Variants in SEPTIN11 observed in about 807,000 individuals in gnomAD.
SEPTIN11 encodes the protein septin 11, also known as septin-11.
Under a neutral mutation model 51.4 loss-of-function variants are expected in SEPTIN11, and 25 were observed. The observed-to-expected ratio is 0.49, with a 90% CI of 0.35 to 0.68. SEPTIN11 has a LOEUF of 0.68. Ranked by LOEUF, SEPTIN11 falls within the 30% of genes least tolerant of loss-of-function variation. The pLI is 0.00. For missense variants in SEPTIN11, 381 were observed against 520.8 expected (o/e 0.73, Z 2.61); for synonymous variants, 174 against 184.1 (o/e 0.95, Z 0.44).
Position 77,038,354 on chromosome 4 carries a change from A to G in SEPTIN11, c.*3842A>G, listed in dbSNP as rs1489909944. The G allele has an allele frequency of 1.0e-6, 1 of 985,760 alleles. No homozygotes were observed. The highest frequency in any genetic ancestry group is 1.2e-6 in the Non-Finnish European group (1 of 829,934). 61.1% of individuals were successfully genotyped at this position (985,760 alleles called of 1,614,324 possible). A position where few individuals can be genotyped will look rare whatever the true frequency, so the allele number is the denominator to read the frequency against. On this transcript the variant is annotated 3_prime_UTR_variant, in exon 10 of 10. Coordinates refer to ENST00000264893, the MANE Select transcript of SEPTIN11 (RefSeq NM_018243.4). ...TGAAAATAACCAATGTGTTTTCTAA[A>G]ACTGTCGTGTAATCTACTTTCATTG... is the stretch of plus-strand genomic sequence containing the variant.
Position 77,038,075 on chromosome 4 carries a change from A to AC in SEPTIN11, c.*3567dup, listed in dbSNP as rs1727156230. 2.0e-6 allele frequency: 2 copies of AC among 985,260 alleles called. No individual in the cohort carries two copies. Among genetic ancestry groups the AC allele is most frequent in the African/African-American group, 3.5e-5 (2 of 57,062 alleles). The allele number at this position is 985,260 out of a possible 1,614,324, so 61.0% of individuals were successfully genotyped here. A position where few individuals can be genotyped will look rare whatever the true frequency, so the allele number is the denominator to read the frequency against. Reference sequence around the variant, plus strand: ...GGTCCTACAAAAACTGTCCATTCCCACCCCTTTGCTTTGCCATTTGCAAGA... The same window carrying AC: ...GGTCCTACAAAAACTGTCCATTCCCACCCCCTTTGCTTTGCCATTTGCAAGA... On this transcript the variant is annotated 3_prime_UTR_variant, in exon 10 of 10. Coordinates refer to ENST00000264893, the MANE Select transcript of SEPTIN11 (RefSeq NM_018243.4).
intron 1 of SEPTIN11, among the ~76,000 whole-genome samples, chr4:76,967,206 A>C (rs1722070068): frequency 1.3e-5 from 2 of 152,170 alleles, no homozygotes; most frequent in Admixed American, 1.3e-4. Flanking sequence ...CAAAAAAGAA[A>C]AGAAAAAGTG....
chr4:77,030,096 A>G (rs1262847418), intron 8 of SEPTIN11, among the ~76,000 whole-genome samples: 4 of 152,100 alleles, frequency 2.6e-5, no homozygotes, highest in Admixed American at 6.5e-5. Context: ...TCTCTACTAA[A>G]GATACAAAAA....
At chr4:76,968,146 C>T (rs1722103622) in intron 1 of SEPTIN11, among the ~76,000 whole-genome samples, 1 of 152,074 alleles carries the variant, frequency 6.6e-6, no homozygotes, top group Non-Finnish European at 1.5e-5. Context: ...TCCTATAGGC[C>T]ATGAAATTAT....
Position 77,036,638 on chromosome 4 carries a change from A to C in SEPTIN11, c.*2126A>C, listed in dbSNP as rs1727042340. 6.7e-7 allele frequency: 1 copy of C among 1,487,264 alleles called. No homozygotes were observed. The allele number at this position is 1,487,264 out of a possible 1,614,324, so 92.1% of individuals were successfully genotyped here. A position where few individuals can be genotyped will look rare whatever the true frequency, so the allele number is the denominator to read the frequency against. ...AGTCAGGGAATAAAAAGTCAAAAGA[A>C]ACAAATAGAAGCTTTTTTTTTTAAA... On this transcript the variant is annotated 3_prime_UTR_variant, in exon 10 of 10. Coordinates refer to ENST00000264893, the MANE Select transcript of SEPTIN11 (RefSeq NM_018243.4).
rs368986415 is a variant in SEPTIN11 at position 76,949,870 on chromosome 4, C to T, written c.-34C>T. Reference sequence around the variant, plus strand: ...CAGCAGCCGGAGTCGGCGTAAAGCACCCGGGCGCAGCCGGAGCCGGTGCCG... The same window carrying T: ...CAGCAGCCGGAGTCGGCGTAAAGCATCCGGGCGCAGCCGGAGCCGGTGCCG... On this transcript the variant is annotated 5_prime_UTR_variant, in exon 1 of 10. Transcript: ENST00000264893. 4 of 1,514,138 alleles carry T rather than the reference C, an allele frequency of 2.6e-6. No individual in the cohort carries two copies. Among genetic ancestry groups the T allele is most frequent in the Non-Finnish European group, 3.5e-6 (4 of 1,136,186 alleles). 93.8% of individuals were successfully genotyped at this position (1,514,138 alleles called of 1,614,324 possible).
chr4:77,010,396 C>T (rs1724778627), intron 3 of SEPTIN11, among the ~76,000 whole-genome samples: 1 of 150,140 alleles, frequency 6.7e-6, no homozygotes, highest in South Asian at 2.1e-4. Context: ...CTCATTCATT[C>T]TTCTTATTGG....
intron 1 of SEPTIN11, among the ~76,000 whole-genome samples, chr4:76,971,244 A>G (rs191590462): frequency 2.4e-3 from 362 of 152,324 alleles, no homozygotes; most frequent in African/African-American, 8.2e-3. Flanking sequence ...TTAAAAACCT[A>G]TGATACATTA....
chr4:77,030,603 G>A (rs1726547858), intron 8 of SEPTIN11, among the ~76,000 whole-genome samples, 180 bp from the exon 9 acceptor site: 1 of 152,006 alleles, frequency 6.6e-6, no homozygotes, highest in Admixed American at 6.5e-5. Flanking sequence ...CACCATCTTG[G>A]CCAGGCTGGT....
chr4:76,996,746 A>C (rs973415533), intron 2 of SEPTIN11, among the ~76,000 whole-genome samples: 2 of 151,460 alleles, frequency 1.3e-5, no homozygotes, highest in Admixed American at 6.6e-5. Flanking sequence ...ATGTTTTGTC[A>C]TGTTACTCAA....
intron 1 of SEPTIN11, among the ~76,000 whole-genome samples, chr4:76,959,897 A>G (rs1721754630): frequency 6.6e-6 from 1 of 152,174 alleles, no homozygotes. Context: ...TTTATGGGTT[A>G]CATTAGGTAT....
chr4:77,039,110 C>T, downstream of SEPTIN11: 1 of 1,289,304 alleles, frequency 7.8e-7, no homozygotes, highest in South Asian at 1.2e-5. Context: ...ACAAGCCCTA[C>T]TCTCTCCTAA....
chr4:76,965,590 T>C (rs984886743), intron 1 of SEPTIN11, among the ~76,000 whole-genome samples: 1 of 151,582 alleles, frequency 6.6e-6, no homozygotes, highest in Admixed American at 6.6e-5. Flanking sequence ...AAATACTTAT[T>C]TTAATATTTC....
chr4:77,025,825 G>A (rs1309968111), intron 7 of SEPTIN11, among the ~76,000 whole-genome samples: 1 of 152,116 alleles, frequency 6.6e-6, no homozygotes, highest in African/African-American at 2.4e-5. Flanking sequence ...TCAAAAGCTG[G>A]CTCACATCCT....
At position 76,983,955 on chromosome 4, in the gene SEPTIN11, C is replaced by T. The variant is rs935382022; in HGVS notation, c.28-12470C>T. On this transcript the variant is annotated intron_variant, in intron 1 of 9. Transcript: ENST00000264893. ...CCTGGAGGCGGAGGTTGCATTGAGC[C>T]GAGATCGCGCTATTGCACTCCAGCC... Among the ~76,000 whole-genome samples the T allele has an allele frequency of 1.1e-4, 16 of 152,126 alleles. No individual in the cohort carries two copies. The East Asian group carries it at 2.1e-3, about 20-fold the overall frequency.
chr4:77,028,892 C>G, intron 8 of SEPTIN11, 131 bp downstream of exon 8: 1 of 938,288 alleles, frequency 1.1e-6, no homozygotes, highest in Non-Finnish European at 1.5e-6. Context: ...ACCTGCCAAC[C>G]TGGCCAGGAA....
Position 76,996,518 on chromosome 4 carries a change from T to G in SEPTIN11, c.121T>G (p.Cys41Gly). The G allele has an allele frequency of 6.2e-7, 1 of 1,613,754 alleles. No homozygotes were observed. The highest frequency in any genetic ancestry group is 8.5e-7 in the Non-Finnish European group (1 of 1,179,596). The part of the protein sequence containing the change: ...LVNKSTSQGF[C>G]FNILCVGETG... Reference sequence around the variant, plus strand: ...CAACAAGTCTACTTCTCAAGGATTCTGTTTCAACATCCTTTGTGTTGGTAA... The same window carrying G: ...CAACAAGTCTACTTCTCAAGGATTCGGTTTCAACATCCTTTGTGTTGGTAA... Residue 41 changes from cysteine (C) to glycine (G), a missense_variant, in exon 2 of 10, where the codon TGT becomes GGT. This residue lies in a region of SEPTIN11 where 184 missense variants were observed against 207.7 expected (regional missense o/e 0.89). Transcript: ENST00000264893.
rs372891502 is a variant in SEPTIN11 at position 76,991,644 on chromosome 4, T to TA, written c.28-4780dup. On this transcript the variant is annotated intron_variant, in intron 1 of 9. Transcript: ENST00000264893. ...TTTCACTGATAGATTTGGGGAACTTTAGCTTTCCTAAAAGGTACCCCCTGA... is the reference window on the plus strand; with the variant it reads ...TTTCACTGATAGATTTGGGGAACTTTAAGCTTTCCTAAAAGGTACCCCCTGA... 2.4e-3 allele frequency among the ~76,000 whole-genome samples: 365 copies of TA among 152,318 alleles called. 3 individuals are homozygous for TA. Among genetic ancestry groups the TA allele is most frequent in the African/African-American group, 8.0e-3 (331 of 41,576 alleles).
At chr4:77,022,728 T>C (rs1288102975) in intron 7 of SEPTIN11, among the ~76,000 whole-genome samples, 1 of 152,234 alleles carries the variant, frequency 6.6e-6, no homozygotes, top group Admixed American at 6.5e-5. Flanking sequence ...TAGAGGTCAT[T>C]TACCTCCCAA....
Sources: gnomAD v4.1 joint callset for allele counts (sites outside exome capture counted in the v4.1 genomes callset) on GRCh38, gnomAD v4.1.1 for gene constraint, gnomAD v4.1.1 regional missense constraint, MANE v1.5 for transcripts, NCBI Gene and HGNC (gene_info 2026-07-23, HGNC 2026-07-21) for gene names.